The following RPTOR variants were observed in gnomAD, a reference collection of about 807,000 sequenced individuals.
RPTOR encodes the protein regulatory associated protein of MTOR complex 1, also known as regulatory-associated protein of mTOR.
RPTOR carries 21 observed loss-of-function variants against 169.9 expected under a neutral mutation model. That is an observed-to-expected ratio of 0.12 (90% CI 0.09 to 0.18). RPTOR has a LOEUF of 0.18. RPTOR is among the 10% of genes least tolerant of loss of function. The probability of loss-of-function intolerance (pLI) is 1.00; values close to 1 mark genes in which losing one functional copy is unlikely to be tolerated. For synonymous variants in RPTOR, 732 were observed against 753.2 expected (o/e 0.97, Z 0.46); for missense variants, 1,133 against 1,855.9 (o/e 0.61, Z 7.16).
chr17:80,757,187 G>T (rs12947328), intron 6 of RPTOR, among the ~76,000 whole-genome samples: 26,979 of 152,132 alleles, frequency 0.18, 2,838 homozygotes, highest in East Asian at 0.24. Flanking sequence ...ACAAGAATAT[G>T]GCAGAGCTGA....
intron 7 of RPTOR, among the ~76,000 whole-genome samples, chr17:80,809,215 G>T (rs2067248823): frequency 6.6e-6 from 1 of 152,080 alleles, no homozygotes; most frequent in South Asian, 2.1e-4. Context: ...TTTTTGAGAT[G>T]GCGTCTCACT....
chr17:80,653,687 C>T (rs376034384), intron 3 of RPTOR, among the ~76,000 whole-genome samples: 14 of 152,222 alleles, frequency 9.2e-5, no homozygotes, highest in Admixed American at 2.0e-4. Context: ...CGCCGTGCTG[C>T]GGCCCTGTGG....
At chr17:80,840,606 A>C in intron 10 of RPTOR, among the ~76,000 whole-genome samples, 3 of 39,800 alleles carry the variant, frequency 7.5e-5, no homozygotes, top group Non-Finnish European at 2.1e-4. Flanking sequence ...ACGGCAGCTC[A>C]CTCTCACCAC....
intron 3 of RPTOR, among the ~76,000 whole-genome samples, chr17:80,696,514 C>T (rs1392072635): frequency 6.6e-6 from 1 of 152,198 alleles, no homozygotes; most frequent in African/African-American, 2.4e-5. Flanking sequence ...ATTCCACAGC[C>T]TTTTCTTGGG....
In RPTOR at chr17:80,727,038, C is replaced by T. The variant is rs138911468; in HGVS notation, c.508-3522C>T. Among the ~76,000 whole-genome samples, 953 of 152,156 alleles carry T rather than the reference C, an allele frequency of 6.3e-3. 5 individuals are homozygous for T. Among genetic ancestry groups the T allele is most frequent in the Non-Finnish European group, 8.3e-3 (565 of 68,000 alleles). On this transcript the variant is annotated intron_variant, in intron 4 of 33. Coordinates refer to ENST00000306801, the MANE Select transcript of RPTOR (RefSeq NM_020761.3). Reference sequence around the variant, plus strand: ...GTGCACCTCTGACCACGTCACGCTGCGAGAACGTGGGCGCTACACCTCCGA... The same window carrying T: ...GTGCACCTCTGACCACGTCACGCTGTGAGAACGTGGGCGCTACACCTCCGA...
rs1278497755 is a variant in RPTOR, at chr17:80,728,445, G to GT, written c.508-2115_508-2114insT. Among the ~76,000 whole-genome samples, 283 of 143,550 alleles carry GT rather than the reference G, an allele frequency of 2.0e-3. 1 individual carries two copies. The highest frequency in any genetic ancestry group is 7.5e-3 in the African/African-American group (273 of 36,504). The allele number at this position is 143,550 out of a possible 152,430, so 94.2% of individuals were successfully genotyped here. On this transcript the variant is annotated intron_variant, in intron 4 of 33. Transcript: ENST00000306801. The stretch of plus-strand genomic sequence containing the variant: ...ACATTTAGGTTTTCAGTCCACTCTG[G>GT]GGTGTGTGTGTGTGTGTGTGTGTGT...
chr17:80,548,701 C>T (rs1215528047), intron 1 of RPTOR, among the ~76,000 whole-genome samples: 3 of 152,004 alleles, frequency 2.0e-5, no homozygotes, highest in Non-Finnish European at 4.4e-5. Flanking sequence ...AGTGGGTTAC[C>T]TACGTAAGAA....
intron 3 of RPTOR, among the ~76,000 whole-genome samples, chr17:80,703,848 T>A (rs147211862): frequency 1.3e-5 from 2 of 152,220 alleles, no homozygotes; most frequent in Non-Finnish European, 2.9e-5. Context: ...GCATAGGTAT[T>A]TGTTTTAATT....
At chr17:80,548,371 GTTTTTTTTTTTTTTTT>G (rs34301408) in intron 1 of RPTOR, among the ~76,000 whole-genome samples, 4 of 63,432 alleles carry the variant, frequency 6.3e-5, no homozygotes, top group Admixed American at 2.6e-4. Context: ...GCCTGGGGTG[GTTTTTTTTTTTTTTTT>G]TTTTTTTTTT....
intron 24 of RPTOR, among the ~76,000 whole-genome samples, chr17:80,929,243 A>G (rs1010410244): frequency 2.0e-5 from 3 of 152,246 alleles, no homozygotes; most frequent in African/African-American, 7.2e-5. Flanking sequence ...AAAATAATCA[A>G]ATTGTACAAA....
At chr17:80,604,450 T>C (rs894575231) in intron 1 of RPTOR, among the ~76,000 whole-genome samples, 1 of 152,228 alleles carries the variant, frequency 6.6e-6, no homozygotes, top group African/African-American at 2.4e-5. Flanking sequence ...ATAGTATCTT[T>C]GGACAAAATA....
chr17:80,912,779 C>CA (rs1443896577), intron 21 of RPTOR, among the ~76,000 whole-genome samples: 1 of 152,206 alleles, frequency 6.6e-6, no homozygotes, highest in Non-Finnish European at 1.5e-5. Context: ...AACTCGAACA[C>CA]ACGGCTTTGT....
At chr17:80,891,602 C>T in intron 17 of RPTOR, 118 bp from the exon 18 acceptor site, 1 of 710,994 alleles carries the variant, frequency 1.4e-6, no homozygotes, top group East Asian at 2.5e-5. Context: ...TTTCTGATGC[C>T]AATTGCACGG....
At position 80,965,620 on chromosome 17, in the gene RPTOR, C is replaced by T. The variant is rs1006874969; in HGVS notation, c.*1290C>T. Reference sequence around the variant, plus strand: ...TCTGGCGGTGAGAGGCCCACGACCACGGGAGTGAGAGCTGGTGTGGCGAGG... The same window carrying T: ...TCTGGCGGTGAGAGGCCCACGACCATGGGAGTGAGAGCTGGTGTGGCGAGG... On this transcript the variant is annotated 3_prime_UTR_variant, in exon 34 of 34. Coordinates refer to ENST00000306801, the MANE Select transcript of RPTOR (RefSeq NM_020761.3). The T allele has an allele frequency of 3.4e-5, 8 of 233,218 alleles. No homozygotes were observed. Among genetic ancestry groups the T allele is most frequent in the African/African-American group, 1.1e-4 (5 of 45,352 alleles). 14.4% of individuals were successfully genotyped at this position (233,218 alleles called of 1,614,324 possible).
chr17:80,744,916 C>G lies in RPTOR; in HGVS notation c.655-9094C>G, dbSNP rs370387569. 6.2e-4 allele frequency among the ~76,000 whole-genome samples: 93 copies of G among 148,874 alleles called. 9 individuals carry two copies. In the South Asian group the frequency reaches 0.019, roughly 31 times the overall value. ...ACTAGCACTGTCCTGGCTACTAGCA[C>G]AGCCCTGGTTACTAGCAGAGCCCTG... is the stretch of plus-strand genomic sequence containing the variant. On this transcript the variant is annotated intron_variant, in intron 5 of 33. Coordinates refer to ENST00000306801, the MANE Select transcript of RPTOR (RefSeq NM_020761.3).
intron 3 of RPTOR, among the ~76,000 whole-genome samples, chr17:80,682,814 A>G (rs530263351): frequency 7.9e-5 from 12 of 152,012 alleles, no homozygotes; most frequent in African/African-American, 2.9e-4. Flanking sequence ...TAAAAAAAAG[A>G]AAAATAGCGT....
intron 13 of RPTOR, among the ~76,000 whole-genome samples, chr17:80,859,342 A>G (rs1773099204): frequency 1.3e-5 from 2 of 152,236 alleles, no homozygotes; most frequent in African/African-American, 4.8e-5. Flanking sequence ...TCATTTATAG[A>G]ACGTGAAGAT....
chr17:80,572,471 A>G (rs192111051), intron 1 of RPTOR, among the ~76,000 whole-genome samples: 274 of 152,014 alleles, frequency 1.8e-3, no homozygotes, highest in Non-Finnish European at 3.1e-3. Context: ...TGTTTTTCTT[A>G]CTGATTTTAG....
chr17:80,873,815 T>C (rs910162452), intron 13 of RPTOR, among the ~76,000 whole-genome samples: 5 of 152,142 alleles, frequency 3.3e-5, no homozygotes, highest in African/African-American at 1.2e-4. Context: ...CAGTGCCACA[T>C]GTGGGAGGGC....
Sources: gnomAD v4.1 joint callset for allele counts (sites outside exome capture counted in the v4.1 genomes callset) on GRCh38, gnomAD v4.1.1 for gene constraint, MANE v1.5 for transcripts, NCBI Gene and HGNC (gene_info 2026-07-23, HGNC 2026-07-21) for gene names.